Variants in GDI2 observed in about 807,000 individuals in gnomAD.
GDI2 encodes the protein GDP dissociation inhibitor 2.
Under a neutral mutation model 54.2 loss-of-function variants are expected in GDI2, and 22 were observed. The observed-to-expected ratio is 0.41, with a 90% CI of 0.29 to 0.58. The LOEUF (loss-of-function observed/expected upper bound fraction) is 0.58, where lower values mean the gene tolerates loss of function less well. Ranked by LOEUF, GDI2 falls within the 20% of genes least tolerant of loss-of-function variation. GDI2 has a pLI of 0.35. For missense variants in GDI2, 422 were observed against 546.0 expected, an observed-to-expected ratio of 0.77 and a Z score of 2.26; for synonymous variants, 177 against 182.1, an observed-to-expected ratio of 0.97 and a Z score of 0.23.
rs151315864 is a variant in GDI2, at chr10:5,785,988, C to T, written c.451G>A (p.Asp151Asn). The change falls in exon 5 of 11, where the codon GAT becomes AAT. Residue 151 changes from aspartate to asparagine, a missense_variant. Asp to Asn is a conservative substitution (Grantham distance 23). Transcript: ENST00000380191. ...RKFLVYVANF[D>N]EKDPRTFEGI... ...TCAAAAGTTCTTGGATCTTTTTCAT[C>T]GAAGTTGGCAACATACACTAGGAAT... 5.6e-6 allele frequency: 9 copies of T among 1,613,296 alleles called. No individual in the cohort carries two copies. The highest frequency in any genetic ancestry group is 2.7e-5 in the African/African-American group (2 of 74,836).
chr10:5,811,800 T>C, intron 1 of GDI2: 1 of 399,494 alleles, frequency 2.5e-6, no homozygotes, highest in East Asian at 9.2e-5. Context: ...GAATGAATAT[T>C]CTCTAATAAT....
rs548906433 is a variant in GDI2 at position 5,776,283 on chromosome 10, A to G, written c.720-2342T>C. 13 of 539,698 alleles carry G rather than the reference A, an allele frequency of 2.4e-5. No individual in the cohort carries two copies. The highest frequency in any genetic ancestry group is 4.5e-5 in the Non-Finnish European group (13 of 288,292). The allele number at this position is 539,698 out of a possible 1,614,324, so 33.4% of individuals were successfully genotyped here. ...AGGTGGAAAAGGGCCCAGCGTGAAAAGACTGAAAGCCCAGCAGAACATAGG... is the reference window on the plus strand; with the variant it reads ...AGGTGGAAAAGGGCCCAGCGTGAAAGGACTGAAAGCCCAGCAGAACATAGG... On this transcript the variant is annotated intron_variant, in intron 6 of 10. Transcript: ENST00000380191. This position sits in a 1 kb window ranked among gnomAD's most constrained non-coding sequence, Gnocchi z 5.3.
chr10:5,810,980 A>T (rs1230175348), intron 1 of GDI2, among the ~76,000 whole-genome samples: 1 of 152,240 alleles, frequency 6.6e-6, no homozygotes, highest in Non-Finnish European at 1.5e-5. Flanking sequence ...CACTGAAAGT[A>T]CTTGCCTTTT....
rs140518949 is a variant in GDI2 at position 5,793,130 on chromosome 10, G to C, written c.388+1755C>G. On this transcript the variant is annotated intron_variant, in intron 4 of 10. Transcript: ENST00000380191. ...CTGCCTCAGCCTCCACAATACCTGG[G>C]ACTACAGTAATGTACCACCACATCT... is the stretch of plus-strand genomic sequence containing the variant. Among the ~76,000 whole-genome samples, 993 of 152,114 alleles carry C rather than the reference G, an allele frequency of 6.5e-3. 8 individuals carry two copies. The highest frequency in any genetic ancestry group is 0.012 in the Non-Finnish European group (818 of 68,004).
intron 1 of GDI2, among the ~76,000 whole-genome samples, chr10:5,810,758 T>C (rs1291369372): frequency 6.6e-6 from 1 of 152,236 alleles, no homozygotes; most frequent in African/African-American, 2.4e-5. Context: ...CCTCAGAAAA[T>C]TCAATTGTGT....
intron 2 of GDI2, among the ~76,000 whole-genome samples, chr10:5,798,049 T>C (rs996767809): frequency 1.6e-4 from 25 of 152,120 alleles, no homozygotes; most frequent in Non-Finnish European, 2.9e-5. Context: ...TTTTGGTGAG[T>C]CTAGACACAA....
chr10:5,811,939 GTTAT>G (rs1387680843), intron 1 of GDI2: 1 of 1,001,432 alleles, frequency 1.0e-6, no homozygotes, highest in Non-Finnish European at 1.3e-6. Context: ...ATCTAAAAGT[GTTAT>G]TTTGGGATGT....
intron 3 of GDI2, among the ~76,000 whole-genome samples, chr10:5,796,093 G>A (rs1841141335): frequency 6.6e-6 from 1 of 152,146 alleles, no homozygotes; most frequent in Non-Finnish European, 1.5e-5. Flanking sequence ...TACTTAGCCT[G>A]TAATCACAGT....
In GDI2 at chr10:5,785,988, C is replaced by G. The variant is rs151315864; in HGVS notation, c.451G>C (p.Asp151His). The G allele has an allele frequency of 1.2e-6, 2 of 1,613,414 alleles. No individual in the cohort carries two copies. The highest frequency in any genetic ancestry group is 1.3e-5 in the African/African-American group (1 of 74,958). Reference sequence around the variant, plus strand: ...TCAAAAGTTCTTGGATCTTTTTCATCGAAGTTGGCAACATACACTAGGAAT... The same window carrying G: ...TCAAAAGTTCTTGGATCTTTTTCATGGAAGTTGGCAACATACACTAGGAAT... ...RKFLVYVANF[D>H]EKDPRTFEGI... Residue 151 changes from aspartate to histidine, a missense_variant, in exon 5 of 11, where the codon GAT (aspartate) becomes CAT (histidine). Physicochemically the swap from Asp to His is moderately conservative, Grantham distance 81. Transcript: ENST00000380191.
Position 5,784,298 on chromosome 10 carries a change from T to C in GDI2, c.719+844A>G, listed in dbSNP as rs530974130. Among the ~76,000 whole-genome samples, 4 of 152,342 alleles carry C rather than the reference T, an allele frequency of 2.6e-5. No homozygotes were observed. In the South Asian group the frequency reaches 6.2e-4, roughly 24 times the overall value. On this transcript the variant is annotated intron_variant, in intron 6 of 10. Coordinates refer to ENST00000380191, the MANE Select transcript of GDI2 (RefSeq NM_001494.4). ...AGAAGTTGTGATTATTTATTTATGCTATTTTCCTGGAAATTTTTCCATTCA... is the reference window on the plus strand; with the variant it reads ...AGAAGTTGTGATTATTTATTTATGCCATTTTCCTGGAAATTTTTCCATTCA...
chr10:5,772,509 C>T lies in GDI2; in HGVS notation c.819+1333G>A, dbSNP rs56102264. 7.8e-3 allele frequency among the ~76,000 whole-genome samples: 1,189 copies of T among 152,268 alleles called. 22 individuals are homozygous for T. Among genetic ancestry groups the T allele is most frequent in the African/African-American group, 0.027 (1,102 of 41,554 alleles). ...CAGTGGCTCATGCCTGTAATCCCAACACTTTGGGAGGCTGAGGCGGGCGGA... is the reference window on the plus strand; with the variant it reads ...CAGTGGCTCATGCCTGTAATCCCAATACTTTGGGAGGCTGAGGCGGGCGGA... On this transcript the variant is annotated intron_variant, in intron 7 of 10. Coordinates refer to ENST00000380191, the MANE Select transcript of GDI2 (RefSeq NM_001494.4).
chr10:5,807,671 T>C (rs927789034), intron 1 of GDI2, among the ~76,000 whole-genome samples: 1 of 152,214 alleles, frequency 6.6e-6, no homozygotes, highest in African/African-American at 2.4e-5. Context: ...AAAATGGTTT[T>C]TAATATTTAA....
chr10:5,812,208 A>AT (rs1431785611), intron 1 of GDI2, among the ~76,000 whole-genome samples: 1 of 151,902 alleles, frequency 6.6e-6, no homozygotes, highest in East Asian at 1.9e-4. Context: ...AACATTTAAA[A>AT]AAAAAAAAAA....
intron 4 of GDI2, among the ~76,000 whole-genome samples, chr10:5,786,829 T>C (rs955613870): frequency 2.0e-5 from 3 of 152,216 alleles, no homozygotes; most frequent in African/African-American, 4.8e-5. Flanking sequence ...CAAGAACAAA[T>C]TGACCTCGAT....
chr10:5,810,453 G>A (rs1841461443), intron 1 of GDI2, among the ~76,000 whole-genome samples: 2 of 152,198 alleles, frequency 1.3e-5, no homozygotes. Context: ...TGAAAGCAGA[G>A]AAAAGTAAAT....
At position 5,800,625 on chromosome 10, in the gene GDI2, C is replaced by T. The variant is rs1047646; in HGVS notation, c.126G>A (p.Glu42=). The part of the protein sequence containing the change: ...HMDRNPYYGG[E]SASITPLEDL... Reference sequence around the variant, plus strand: ...CTTCCAATGGTGTTATAGATGCACTCTCTCCTCCGTAGTAAGGGTTTCGAT... The same window carrying T: ...CTTCCAATGGTGTTATAGATGCACTTTCTCCTCCGTAGTAAGGGTTTCGAT... Residue 42 remains glutamate (E), a synonymous_variant, in exon 2 of 11, where the codon GAG becomes GAA. Coordinates refer to ENST00000380191, the MANE Select transcript of GDI2 (RefSeq NM_001494.4). 1.9e-3 allele frequency: 3,019 copies of T among 1,581,080 alleles called. 4 individuals are homozygous for T. The highest frequency in any genetic ancestry group is 2.1e-3 in the Non-Finnish European group (2,447 of 1,149,806).
intron 4 of GDI2, among the ~76,000 whole-genome samples, chr10:5,794,186 AAAATATATAT>A (rs1195133982): frequency 7.5e-3 from 349 of 46,586 alleles, no homozygotes; most frequent in East Asian, 0.036. Flanking sequence ...AAAAAAAAAA[AAAATATATAT>A]ATATATATAT....
intron 6 of GDI2, among the ~76,000 whole-genome samples, chr10:5,777,072 T>C (rs1840639130): frequency 6.6e-6 from 1 of 152,180 alleles, no homozygotes; most frequent in Non-Finnish European, 1.5e-5. Context: ...TCCAACTTAG[T>C]ACACACTAAA....
At position 5,776,249 on chromosome 10, in the gene GDI2, A is replaced by G; in HGVS notation, c.720-2308T>C. On this transcript the variant is annotated intron_variant, in intron 6 of 10. Coordinates refer to ENST00000380191, the MANE Select transcript of GDI2 (RefSeq NM_001494.4). The surrounding 1 kb of genome is among the most constrained non-coding windows in gnomAD (Gnocchi z 5.3). ...AAGGAATAGGAAACAGCGCCTCCTC[A>G]TCCAAGACAGGTGGAAAAGGGCCCA... 2.1e-6 allele frequency: 1 copy of G among 482,554 alleles called. No individual in the cohort carries two copies. The highest frequency in any genetic ancestry group is 2.3e-5 in the South Asian group (1 of 43,560). 29.9% of individuals were successfully genotyped at this position (482,554 alleles called of 1,614,324 possible).
Sources: gnomAD v4.1 joint callset for allele counts (sites outside exome capture counted in the v4.1 genomes callset) on GRCh38, gnomAD v4.1.1 for gene constraint, Gnocchi (gnomAD v3.1) non-coding constraint, MANE v1.5 for transcripts, NCBI Gene and HGNC (gene_info 2026-07-23, HGNC 2026-07-21) for gene names.